Variants in ATXN7L1 observed in about 807,000 individuals in gnomAD.
ATXN7L1 encodes ataxin 7 like 1, also known as ataxin-7-like protein 1.
Under a neutral mutation model 70.8 loss-of-function variants are expected in ATXN7L1, and 15 were observed. The observed-to-expected ratio is 0.21, with a 90% CI of 0.14 to 0.33. ATXN7L1 has a LOEUF of 0.33. ATXN7L1 is among the 10% of genes least tolerant of loss of function. ATXN7L1 has a pLI of 1.00. For missense variants in ATXN7L1, 975 were observed against 1,097.1 expected (o/e 0.89, Z 1.57); for synonymous variants, 440 against 445.1 (o/e 0.99, Z 0.14).
At chr7:105,753,998 CG>C (rs1563065550) in intron 3 of ATXN7L1, among the ~76,000 whole-genome samples, 1 of 152,176 alleles carries the variant, frequency 6.6e-6, no homozygotes, top group African/African-American at 2.4e-5. Flanking sequence ...TAATCCTTCT[CG>C]GTCTCAGTTT....
intron 2 of ATXN7L1, among the ~76,000 whole-genome samples, chr7:105,867,910 T>G (rs1157574950): frequency 6.6e-6 from 1 of 152,138 alleles, no homozygotes; most frequent in Non-Finnish European, 1.5e-5. Context: ...AGGCGCAAGA[T>G]GCGGCTCAGC....
chr7:105,675,418 T>C (rs1369790782), intron 3 of ATXN7L1, among the ~76,000 whole-genome samples: 3 of 151,690 alleles, frequency 2.0e-5, no homozygotes, highest in African/African-American at 7.3e-5. Context: ...AGGTCAGGAG[T>C]TTGAGACCAG....
rs1794212755 is a variant in ATXN7L1 at position 105,618,214 on chromosome 7, AG to A, written c.1517+1985del. ...CACTTCCATAACACAGGGAGCAAAG[AG>A]CTGCGAGGATCACCAGGGCTGGCTG... is the stretch of plus-strand genomic sequence containing the variant. On this transcript the variant is annotated intron_variant, in intron 9 of 11. Transcript: ENST00000419735. 31 of 361,928 alleles carry A rather than the reference AG, an allele frequency of 8.6e-5. 1 individual carries two copies. Among genetic ancestry groups the A allele is most frequent in the South Asian group, 6.3e-4 (31 of 49,026 alleles). The allele number at this position is 361,928 out of a possible 1,614,324, so 22.4% of individuals were successfully genotyped here.
chr7:105,848,080 T>C (rs73193838), intron 2 of ATXN7L1, among the ~76,000 whole-genome samples: 28,367 of 152,058 alleles, frequency 0.19, 3,488 homozygotes, highest in East Asian at 0.43. Context: ...AATAGGCCAA[T>C]GGAAAATTAA....
intron 3 of ATXN7L1, among the ~76,000 whole-genome samples, chr7:105,762,946 C>T (rs1800738973): frequency 1.3e-5 from 2 of 152,174 alleles, no homozygotes; most frequent in African/African-American, 4.8e-5. Flanking sequence ...CTGAGGCCTC[C>T]AGCCAACAGC....
intron 3 of ATXN7L1, among the ~76,000 whole-genome samples, chr7:105,723,523 G>A (rs1434402055): frequency 2.6e-5 from 4 of 152,086 alleles, no homozygotes; most frequent in Non-Finnish European, 4.4e-5. Context: ...TGATGTTATG[G>A]AAGACTCAAC....
chr7:105,867,669 C>T (rs866123302), intron 2 of ATXN7L1, among the ~76,000 whole-genome samples: 14 of 152,206 alleles, frequency 9.2e-5, no homozygotes, highest in African/African-American at 2.7e-4. Flanking sequence ...GCTGAGTAAT[C>T]GACAAGGCTG....
intron 2 of ATXN7L1, among the ~76,000 whole-genome samples, chr7:105,840,647 G>T (rs1813068894): frequency 6.6e-6 from 1 of 152,098 alleles, no homozygotes; most frequent in Non-Finnish European, 1.5e-5. Flanking sequence ...CAAATGCTGG[G>T]CCAGAGAGCC....
intron 7 of ATXN7L1, among the ~76,000 whole-genome samples, chr7:105,627,681 G>A (rs1019703550): frequency 8.6e-5 from 13 of 151,664 alleles, no homozygotes; most frequent in Admixed American, 1.3e-4. Flanking sequence ...ACAGGTGTGC[G>A]CCAACATGCC....
At chr7:105,647,002 C>T (rs185555493) in intron 4 of ATXN7L1, among the ~76,000 whole-genome samples, 310 of 152,038 alleles carry the variant, frequency 2.0e-3, no homozygotes, top group African/African-American at 7.1e-3. Flanking sequence ...GATTTAATTT[C>T]TCACCCTTGT....
chr7:105,681,008 C>T (rs559476321), intron 3 of ATXN7L1, among the ~76,000 whole-genome samples: 26 of 152,194 alleles, frequency 1.7e-4, no homozygotes, highest in Non-Finnish European at 2.9e-4. Flanking sequence ...CCTGAGGTAG[C>T]GTAAGTTCTC....
chr7:105,756,261 C>T, intron 3 of ATXN7L1, among the ~76,000 whole-genome samples: 1 of 147,878 alleles, frequency 6.8e-6, no homozygotes, highest in East Asian at 2.3e-4. Context: ...TTTAAAAAAA[C>T]TCTGTTTGCC....
chr7:105,786,028 C>T (rs1444038110), intron 3 of ATXN7L1, among the ~76,000 whole-genome samples: 1 of 152,194 alleles, frequency 6.6e-6, no homozygotes, highest in Admixed American at 6.5e-5. Context: ...CCACAAAGAG[C>T]TACAATGGTT....
At chr7:105,639,009 GTTCAGCATGAA>G (rs1797766478) in intron 6 of ATXN7L1, among the ~76,000 whole-genome samples, 1 of 152,158 alleles carries the variant, frequency 6.6e-6, no homozygotes, top group African/African-American at 2.4e-5. Context: ...AGCACTAGCA[GTTCAGCATGAA>G]ATACAGGGCT....
intron 3 of ATXN7L1, among the ~76,000 whole-genome samples, chr7:105,697,419 A>C (rs1035620765): frequency 3.9e-5 from 6 of 152,214 alleles, no homozygotes; most frequent in Non-Finnish European, 7.3e-5. Context: ...TTTGCTTTTG[A>C]AAGAAGATAA....
rs78863683 is a variant in ATXN7L1, at chr7:105,836,570, G to A, written c.250+39242C>T. Among the ~76,000 whole-genome samples the A allele has an allele frequency of 7.3e-3, 1,119 of 152,288 alleles. 10 individuals are homozygous for A. Among genetic ancestry groups the A allele is most frequent in the Non-Finnish European group, 0.014 (940 of 68,016 alleles). ...TGGCAAACAATATCAGGTGGCATAA[G>A]CATCCCCAGAAGAAAGTGTTAGAAC... is the stretch of plus-strand genomic sequence containing the variant. On this transcript the variant is annotated intron_variant, in intron 2 of 11. Transcript: ENST00000419735.
chr7:105,819,810 C>A (rs1809833736), intron 2 of ATXN7L1: 1 of 642,362 alleles, frequency 1.6e-6, no homozygotes. Context: ...TGTTTGACGG[C>A]ATCCCACCGC....
intron 3 of ATXN7L1, among the ~76,000 whole-genome samples, chr7:105,784,657 GAA>G (rs1322338003): frequency 6.6e-6 from 1 of 152,086 alleles, no homozygotes; most frequent in African/African-American, 2.4e-5. Flanking sequence ...GGAGAGAAGG[GAA>G]GAGAAAATGA....
intron 6 of ATXN7L1, among the ~76,000 whole-genome samples, chr7:105,638,861 C>T (rs1167534934): frequency 6.6e-6 from 1 of 152,164 alleles, no homozygotes; most frequent in Non-Finnish European, 1.5e-5. Flanking sequence ...AGCTTCAGCG[C>T]AGAACCCATG....
Sources: gnomAD v4.1 joint callset for allele counts (sites outside exome capture counted in the v4.1 genomes callset) on GRCh38, gnomAD v4.1.1 for gene constraint, MANE v1.5 for transcripts, NCBI Gene and HGNC (gene_info 2026-07-23, HGNC 2026-07-21) for gene names.